The following AGPAT2 variants were observed in gnomAD, a reference collection of about 807,000 sequenced individuals.
The protein encoded by AGPAT2 is 1-acylglycerol-3-phosphate O-acyltransferase 2.
Under a neutral mutation model 26.1 loss-of-function variants are expected in AGPAT2, and 18 were observed. The observed-to-expected ratio is 0.69, with a 90% confidence interval of 0.48 to 1.02. The LOEUF (loss-of-function observed/expected upper bound fraction) is 1.02, where lower values mean the gene tolerates loss of function less well. Among genes scored for constraint, AGPAT2 ranks in the 50% least tolerant of loss-of-function variants. AGPAT2 has a pLI of 0.00. For synonymous variants in AGPAT2, 200 were observed against 174.2 expected (o/e 1.15, Z -1.16); for missense variants, 415 against 394.9 (o/e 1.05, Z -0.43).
intron 1 of AGPAT2, among the ~76,000 whole-genome samples, chr9:136,685,681 G>A (rs1051817844): frequency 8.5e-5 from 13 of 152,120 alleles, no homozygotes; most frequent in South Asian, 2.1e-4. Flanking sequence ...CCATTTCCTC[G>A]GGGTGGGGGG....
chr9:136,673,391 A>G lies in AGPAT2; in HGVS notation c.*361T>C, dbSNP rs1238472268. On this transcript the variant is annotated 3_prime_UTR_variant, in exon 6 of 6. Transcript: ENST00000371696. ...AGGCGGCTGAGCAGAGGGCTCGGAC[A>G]GTGTGCGTCTGGCCTCGGGGTCCTC... The G allele has an allele frequency of 5.3e-6, 1 of 187,320 alleles. No homozygotes were observed. The highest frequency in any genetic ancestry group is 2.3e-5 in the African/African-American group (1 of 42,836). The allele number at this position is 187,320 out of a possible 1,614,324, so 11.6% of individuals were successfully genotyped here. A position where few individuals can be genotyped will look rare whatever the true frequency, so the allele number is the denominator to read the frequency against.
chr9:136,687,448 C>CGGCGGGGCTG lies in AGPAT2; in HGVS notation c.-92_-91insCAGCCCCGCC. The CGGCGGGGCTG allele has an allele frequency of 3.5e-6, 4 of 1,157,854 alleles. No individual in the cohort carries two copies. The highest frequency in any genetic ancestry group is 4.5e-6 in the Non-Finnish European group (4 of 897,238). 71.7% of individuals were successfully genotyped at this position (1,157,854 alleles called of 1,614,324 possible). ...GCGCTCAGGCCCCTTATTGCGAGGG[C>CGGCGGGGCTG]GGCGGGGCTGGGCGGGGCGGGGCGC... On this transcript the variant is annotated 5_prime_UTR_variant, in exon 1 of 6. Transcript: ENST00000371696.
chr9:136,673,906 A>G lies in AGPAT2; in HGVS notation c.683T>C (p.Leu228Pro), dbSNP rs104894100. 5 of 1,591,920 alleles carry G rather than the reference A, an allele frequency of 3.1e-6. No homozygotes were observed. The highest frequency in any genetic ancestry group is 4.3e-6 in the Non-Finnish European group (5 of 1,170,100). Reference protein sequence around the residue: ...FTSGTVTVQVLEAIPTSGLTA... With the variant: ...FTSGTVTVQVPEAIPTSGLTA... ...GAGGCCGCTGGTGGGGATGGCTTCC[A>G]GCACCTGCACTGTGACTGTTCCTGT... Residue 228 changes from leucine to proline, a missense_variant, in exon 6 of 6, where the codon CTG becomes CCG. Physicochemically the swap from Leu to Pro is moderately conservative, Grantham distance 98 (BLOSUM62 -3). Transcript: ENST00000371696.
chr9:136,677,482 A>G lies in AGPAT2; in HGVS notation c.257T>C (p.Leu86Pro). 6.2e-7 allele frequency: 1 copy of G among 1,613,080 alleles called. No homozygotes were observed. Residue 86 changes from leucine to proline, a missense_variant, in exon 2 of 6, where the codon CTG becomes CCG. Physicochemically the swap from Leu to Pro is moderately conservative, Grantham distance 98. Coordinates refer to ENST00000371696, the MANE Select transcript of AGPAT2 (RefSeq NM_006412.4). ...GATGACACAGGGACGGGCCTCCTGC[A>G]GCCTGCGCGGGTCCCGCACCTCGAA... ...LRFEVRDPRR[L>P]QEARPCVIVS...
At chr9:136,675,614 G>C (rs1481029587) in intron 4 of AGPAT2, among the ~76,000 whole-genome samples, 2 of 152,040 alleles carry the variant, frequency 1.3e-5, no homozygotes, top group African/African-American at 2.4e-5. Flanking sequence ...GAAAAGCTGT[G>C]GGTCTCCTGG....
chr9:136,677,147 GA>G lies in AGPAT2; in HGVS notation c.317-12del. 6.2e-7 allele frequency: 1 copy of G among 1,612,540 alleles called. No individual in the cohort carries two copies. The highest frequency in any genetic ancestry group is 8.5e-7 in the Non-Finnish European group (1 of 1,179,770). The stretch of plus-strand genomic sequence containing the variant: ...GGACCTCCATGAGGCCTGGGAGACA[GA>G]GAGACAGAGACAGAGAGAGAGGGGG... On this transcript the variant is annotated splice_polypyrimidine_tract_variant and intron_variant, in intron 2 of 5. Coordinates refer to ENST00000371696, the MANE Select transcript of AGPAT2 (RefSeq NM_006412.4).
intron 3 of AGPAT2, 101 bp downstream of exon 3, chr9:136,676,860 G>T: frequency 7.0e-7 from 1 of 1,422,648 alleles, no homozygotes; most frequent in Admixed American, 1.8e-5. Flanking sequence ...GATGATGTGG[G>T]GGTCTTGTTT....
At position 136,673,840 on chromosome 9, in the gene AGPAT2, C is replaced by G; in HGVS notation, c.749G>C (p.Arg250Pro). 1.2e-6 allele frequency: 2 copies of G among 1,606,214 alleles called. No individual in the cohort carries two copies. The highest frequency in any genetic ancestry group is 1.7e-6 in the Non-Finnish European group (2 of 1,177,994). Residue 250 changes from arginine to proline, a missense_variant, in exon 6 of 6, where the codon CGG becomes CCG. By Grantham distance (103) the Arg-to-Pro change is moderately radical (BLOSUM62 -2). Transcript: ENST00000371696. ...DVPALVDTCHRAMRTTFLHIS... is the reference protein window; with the variant it reads ...DVPALVDTCHPAMRTTFLHIS... ...GTGGAGGAAGGTGGTCCTCATGGCCCGGTGGCAGGTGTCCACGAGCGCAGG... is the reference window on the plus strand; with the variant it reads ...GTGGAGGAAGGTGGTCCTCATGGCCGGGTGGCAGGTGTCCACGAGCGCAGG...
chr9:136,687,154 T>G (rs1564296330), intron 1 of AGPAT2, 22 bp downstream of exon 1: 1 of 1,573,092 alleles, frequency 6.4e-7, no homozygotes, highest in Admixed American at 1.8e-5. Context: ...CCCCGGCCCC[T>G]CCCGGCGGCC....
Position 136,677,268 on chromosome 9 carries a change from C to T in AGPAT2, c.317-132G>A, listed in dbSNP as rs910928340. 7.4e-5 allele frequency: 110 copies of T among 1,491,772 alleles called. No homozygotes were observed. The African/African-American group carries it at 1.3e-3, about 17-fold the overall frequency. The allele number at this position is 1,491,772 out of a possible 1,614,324, so 92.4% of individuals were successfully genotyped here. On this transcript the variant is annotated intron_variant, in intron 2 of 5. Transcript: ENST00000371696. ...CTACCTGGACGGGTCGTGTGGCCTC[C>T]GAGCCTCTGTGTCTGGCCCTGAGGG...
chr9:136,685,390 G>A (rs1483065352), intron 1 of AGPAT2, among the ~76,000 whole-genome samples: 2 of 152,232 alleles, frequency 1.3e-5, no homozygotes, highest in Non-Finnish European at 2.9e-5. Flanking sequence ...AGCCTGCCAG[G>A]TCCATAGAAA....
intron 1 of AGPAT2, among the ~76,000 whole-genome samples, chr9:136,685,200 A>G (rs1846207666): frequency 6.6e-6 from 1 of 152,212 alleles, no homozygotes. Flanking sequence ...AGTGTCCCGG[A>G]AGCCACTACT....
chr9:136,679,896 C>A (rs770689799), intron 1 of AGPAT2, among the ~76,000 whole-genome samples: 1 of 152,214 alleles, frequency 6.6e-6, no homozygotes, highest in Non-Finnish European at 1.5e-5. Context: ...GGCCCCTCCC[C>A]TCTCAGAATC....
chr9:136,687,388 G>T lies in AGPAT2; in HGVS notation c.-31C>A. 7.0e-7 allele frequency: 1 copy of T among 1,418,562 alleles called. No homozygotes were observed. The allele number at this position is 1,418,562 out of a possible 1,614,324, so 87.9% of individuals were successfully genotyped here. A position where few individuals can be genotyped will look rare whatever the true frequency, so the allele number is the denominator to read the frequency against. On this transcript the variant is annotated 5_prime_UTR_variant, in exon 1 of 6. The change creates a new upstream start codon in the 5' untranslated region. Coordinates refer to ENST00000371696, the MANE Select transcript of AGPAT2 (RefSeq NM_006412.4). ...GGCCCGGCGCCCGACGGCGCCGCCA[G>T]CTCGCTCCCGCTCCCGCTCCCGCTT...
In AGPAT2 at chr9:136,676,605, A is replaced by G; in HGVS notation, c.568T>C (p.Tyr190His). Reference protein sequence around the residue: ...DLLPFKKGAFYLAVQAQVPIV... With the variant: ...DLLPFKKGAFHLAVQAQVPIV... ...CCTACCTGTGCCTGGACTGCCAGGT[A>G]GAAGGCGCCCTTCTTAAAAGGCAGC... Residue 190 changes from tyrosine (Y) to histidine (H), a missense_variant, in exon 4 of 6, where the codon TAC (tyrosine) becomes CAC (histidine). By Grantham distance (83) the Tyr-to-His change is moderately conservative. Transcript: ENST00000371696. 1 of 1,613,222 alleles carries G rather than the reference A, an allele frequency of 6.2e-7. No individual in the cohort carries two copies. Among genetic ancestry groups the G allele is most frequent in the Non-Finnish European group, 8.5e-7 (1 of 1,179,768 alleles).
At chr9:136,678,074 G>A (rs1003676991) in intron 1 of AGPAT2, among the ~76,000 whole-genome samples, 1 of 152,186 alleles carries the variant, frequency 6.6e-6, no homozygotes, top group South Asian at 2.1e-4. Flanking sequence ...AACGACCTCC[G>A]AAAGGTTCTT....
chr9:136,685,086 G>A (rs541007839), intron 1 of AGPAT2, among the ~76,000 whole-genome samples: 1 of 152,334 alleles, frequency 6.6e-6, no homozygotes, highest in Admixed American at 6.5e-5. Flanking sequence ...TGTGGGGGAA[G>A]GTAGCCATGG....
intron 1 of AGPAT2, among the ~76,000 whole-genome samples, chr9:136,686,031 G>A (rs1053811839): frequency 2.6e-5 from 4 of 151,942 alleles, no homozygotes; most frequent in Non-Finnish European, 5.9e-5. Context: ...GGTCACACAC[G>A]TCTGGCTGAG....
In AGPAT2 at chr9:136,687,214, G is replaced by A. The variant is rs1371541750; in HGVS notation, c.144C>T (p.Cys48=). ...FTVSAVASLV[C]LLRHGGRTVE... is the part of the protein sequence containing the mutation. ...CCGTCCGGCCGCCGTGGCGCAGCAG[G>A]CAGACGAGCGAGGCCACGGCGGACA... Residue 48 remains cysteine (C), a synonymous_variant, in exon 1 of 6, where the codon TGC becomes TGT. Transcript: ENST00000371696. 3.8e-6 allele frequency: 6 copies of A among 1,593,188 alleles called. No homozygotes were observed. Among genetic ancestry groups the A allele is most frequent in the Non-Finnish European group, 5.1e-6 (6 of 1,174,318 alleles).
Sources: gnomAD v4.1 joint callset for allele counts (sites outside exome capture counted in the v4.1 genomes callset) on GRCh38, gnomAD v4.1.1 for gene constraint, MANE v1.5 for transcripts, NCBI Gene and HGNC (gene_info 2026-07-23, HGNC 2026-07-21) for gene names.